The following SLC9A1 variants were observed in gnomAD, a reference collection of about 807,000 sequenced individuals.
The protein encoded by SLC9A1 is sodium/hydrogen exchanger 1.
Under a neutral mutation model 67.9 loss-of-function variants are expected in SLC9A1, and 22 were observed. The observed-to-expected ratio is 0.32, with a 90% CI of 0.23 to 0.46. The LOEUF is 0.46. Among genes scored for constraint, SLC9A1 ranks in the 20% least tolerant of loss-of-function variants. The pLI is 1.00. For synonymous variants in SLC9A1, 421 were observed against 471.8 expected (o/e 0.89, Z 1.40); for missense variants, 686 against 1,094.8 (o/e 0.63, Z 5.27).
In SLC9A1 at chr1:27,102,400, G is replaced by C; in HGVS notation, c.1805C>G (p.Ser602Cys). The C allele has an allele frequency of 1.3e-6, 2 of 1,593,930 alleles. No individual in the cohort carries two copies. The highest frequency in any genetic ancestry group is 3.3e-4 in the Middle Eastern group (2 of 5,994). Reference protein sequence around the residue: ...GGMGKIPSAVSTVSMQNIHPK... With the variant: ...GGMGKIPSAVCTVSMQNIHPK... ...CAGCACTCACTGCATGGAGACGGTGGAGACGGCAGAGGGGATCTTGCCCAT... is the reference window on the plus strand; with the variant it reads ...CAGCACTCACTGCATGGAGACGGTGCAGACGGCAGAGGGGATCTTGCCCAT... The change falls in exon 8 of 12, where the codon TCC (serine) becomes TGC (cysteine). Residue 602 changes from serine (S) to cysteine (C), a missense_variant. Physicochemically the swap from Ser to Cys is moderately radical, Grantham distance 112 (BLOSUM62 -1). Transcript: ENST00000263980.
At position 27,102,659 on chromosome 1, in the gene SLC9A1, G is replaced by T. The variant is rs2083155915; in HGVS notation, c.1646+14C>A. ...CCTGCCCCTCCCTGCCTGCCCACCA[G>T]GCCTGCCACCTACTTGTCCTTCCAG... is the stretch of plus-strand genomic sequence containing the variant. On this transcript the variant is annotated intron_variant, in intron 7 of 11. Coordinates refer to ENST00000263980, the MANE Select transcript of SLC9A1 (RefSeq NM_003047.5). The T allele has an allele frequency of 6.2e-7, 1 of 1,613,400 alleles. No individual in the cohort carries two copies.
chr1:27,122,234 G>A lies in SLC9A1; in HGVS notation c.353-7948C>T, dbSNP rs141578165. 2.0e-3 allele frequency among the ~76,000 whole-genome samples: 298 copies of A among 152,224 alleles called. 2 individuals are homozygous for A. The highest frequency in any genetic ancestry group is 7.0e-3 in the African/African-American group (290 of 41,536). On this transcript the variant is annotated intron_variant, in intron 1 of 11. Coordinates refer to ENST00000263980, the MANE Select transcript of SLC9A1 (RefSeq NM_003047.5). ...GAGTCAGGTGCCCCTCCAAACTGAG[G>A]AGCTGTGTTCGGTGCCTCAGCCAGC...
intron 1 of SLC9A1, among the ~76,000 whole-genome samples, chr1:27,142,192 C>A (rs915064730): frequency 6.6e-6 from 1 of 152,224 alleles, no homozygotes; most frequent in Non-Finnish European, 1.5e-5. Flanking sequence ...ACAGCCCCTC[C>A]TCTCGGTCCA....
At position 27,107,638 on chromosome 1, in the gene SLC9A1, T is replaced by TG. The variant is rs1557739208; in HGVS notation, c.1282+9dup. 1 of 1,125,914 alleles carries TG rather than the reference T, an allele frequency of 8.9e-7. No homozygotes were observed. The highest frequency in any genetic ancestry group is 1.2e-6 in the Non-Finnish European group (1 of 824,118). The allele number at this position is 1,125,914 out of a possible 1,614,324, so 69.7% of individuals were successfully genotyped here. ...CACAACCCCCACCCCGCCCCAGCCC[T>TG]GGCCCTCACCCAGCACGCGGGCGAT... On this transcript the variant is annotated intron_variant, in intron 4 of 11. Coordinates refer to ENST00000263980, the MANE Select transcript of SLC9A1 (RefSeq NM_003047.5).
At chr1:27,140,810 C>T (rs1395765093) in intron 1 of SLC9A1, among the ~76,000 whole-genome samples, 2 of 152,124 alleles carry the variant, frequency 1.3e-5, no homozygotes, top group Non-Finnish European at 2.9e-5. Flanking sequence ...GGTGGGGTAA[C>T]ATAACATAAA....
intron 1 of SLC9A1, among the ~76,000 whole-genome samples, chr1:27,152,510 T>C (rs141043944): frequency 1.3e-5 from 2 of 152,290 alleles, no homozygotes; most frequent in Admixed American, 6.5e-5. Context: ...TGTGGTCAAA[T>C]TGAGAGTCTT....
intron 1 of SLC9A1, among the ~76,000 whole-genome samples, chr1:27,140,850 G>C (rs1474926368): frequency 6.6e-6 from 1 of 152,184 alleles, no homozygotes; most frequent in Non-Finnish European, 1.5e-5. Flanking sequence ...CACAGGACTT[G>C]GAAGGGGAAG....
At chr1:27,120,122 T>TTTTTG (rs371754030) in intron 1 of SLC9A1, among the ~76,000 whole-genome samples, 3,580 of 151,538 alleles carry the variant, frequency 0.024, 140 homozygotes, top group African/African-American at 0.078. Flanking sequence ...TGGGAGGTTT[T>TTTTTG]TTTTGTTTTG....
At chr1:27,112,235 ACCCAGCC>A (rs1369062047) in intron 2 of SLC9A1, among the ~76,000 whole-genome samples, 2 of 152,112 alleles carry the variant, frequency 1.3e-5, no homozygotes, top group Non-Finnish European at 2.9e-5. Flanking sequence ...AGGCTATTCT[ACCCAGCC>A]CCATGAGGAG....
In SLC9A1 at chr1:27,154,604, G is replaced by A. The variant is rs1019259665; in HGVS notation, c.-270C>T. 9.9e-6 allele frequency: 4 copies of A among 405,808 alleles called. No individual in the cohort carries two copies. The highest frequency in any genetic ancestry group is 1.8e-5 in the Non-Finnish European group (4 of 225,188). 25.1% of individuals were successfully genotyped at this position (405,808 alleles called of 1,614,324 possible). A position where few individuals can be genotyped will look rare whatever the true frequency, so the allele number is the denominator to read the frequency against. ...GGTCTGGAACTCCGGGCCTGGGAAG[G>A]GGGAGGACGGATGTGGGAAACTGAG... On this transcript the variant is annotated 5_prime_UTR_variant, in exon 1 of 12. Coordinates refer to ENST00000263980, the MANE Select transcript of SLC9A1 (RefSeq NM_003047.5).
At chr1:27,144,811 C>A (rs1304336326) in intron 1 of SLC9A1, among the ~76,000 whole-genome samples, 1 of 152,166 alleles carries the variant, frequency 6.6e-6, no homozygotes, top group African/African-American at 2.4e-5. Flanking sequence ...GAGTTCTAGA[C>A]CAGACTGGCC....
intron 5 of SLC9A1, chr1:27,105,522 T>C (rs2083177449): frequency 5.0e-6 from 3 of 598,282 alleles, no homozygotes; most frequent in South Asian, 4.0e-5. Context: ...GGTCTCAAAC[T>C]CCTGACCTCA....
chr1:27,106,250 C>T lies in SLC9A1; in HGVS notation c.1283-163G>A, dbSNP rs2083184256. ...CCTCAGCCCAGAGTGCTCTGAACTC[C>T]TCAATCCAAGAGCTGGGTGGATCCT... On this transcript the variant is annotated intron_variant, in intron 4 of 11. Coordinates refer to ENST00000263980, the MANE Select transcript of SLC9A1 (RefSeq NM_003047.5). The surrounding 1 kb of genome is among the most constrained non-coding windows in gnomAD (Gnocchi z 4.3). Among the ~76,000 whole-genome samples, 3 of 152,160 alleles carry T rather than the reference C, an allele frequency of 2.0e-5. No individual in the cohort carries two copies. The South Asian group carries it at 6.2e-4, about 32-fold the overall frequency.
chr1:27,129,654 A>G (rs778564455), intron 1 of SLC9A1, among the ~76,000 whole-genome samples: 32 of 152,280 alleles, frequency 2.1e-4, no homozygotes, highest in South Asian at 1.0e-3. Flanking sequence ...AAGCCCAGAG[A>G]GGGGACGGAA....
chr1:27,099,984 A>G lies in SLC9A1; in HGVS notation c.*323T>C. 2 of 332,304 alleles carry G rather than the reference A, an allele frequency of 6.0e-6. No homozygotes were observed. Among genetic ancestry groups the G allele is most frequent in the Non-Finnish European group, 1.1e-5 (2 of 182,348 alleles). The allele number at this position is 332,304 out of a possible 1,614,324, so 20.6% of individuals were successfully genotyped here. A position where few individuals can be genotyped will look rare whatever the true frequency, so the allele number is the denominator to read the frequency against. ...GAAACTAAGATTGGTCTGAATGAGG[A>G]GGAGGATGAGGCAGAGGGAGGAGCC... On this transcript the variant is annotated 3_prime_UTR_variant, in exon 12 of 12. Coordinates refer to ENST00000263980, the MANE Select transcript of SLC9A1 (RefSeq NM_003047.5).
At position 27,125,284 on chromosome 1, in the gene SLC9A1, C is replaced by G. The variant is rs1386186942; in HGVS notation, c.353-10998G>C. The stretch of plus-strand genomic sequence containing the variant: ...TTTTTGAGAAACAGTCTTGCTCTGT[C>G]ATCTAGGCTGGAGTGCAGTGGCGCA... On this transcript the variant is annotated intron_variant, in intron 1 of 11. Transcript: ENST00000263980. Among the ~76,000 whole-genome samples the G allele has an allele frequency of 1.9e-4, 20 of 104,214 alleles. No individual in the cohort carries two copies. In the East Asian group the frequency reaches 5.4e-3, roughly 28 times the overall value. 68.4% of individuals were successfully genotyped at this position (104,214 alleles called of 152,430 possible). A position where few individuals can be genotyped will look rare whatever the true frequency, so the allele number is the denominator to read the frequency against.
At chr1:27,141,222 A>T (rs567125998) in intron 1 of SLC9A1, among the ~76,000 whole-genome samples, 82 of 152,286 alleles carry the variant, frequency 5.4e-4, no homozygotes, top group East Asian at 5.8e-4. Flanking sequence ...ATTAAAAAAA[A>T]TTTTTTTAAA....
At position 27,113,916 on chromosome 1, in the gene SLC9A1, C is replaced by T. The variant is rs376344736; in HGVS notation, c.723G>A (p.Ala241=). Residue 241 remains alanine (A), a synonymous_variant, in exon 2 of 12, where the codon GCG becomes GCA. Coordinates refer to ENST00000263980, the MANE Select transcript of SLC9A1 (RefSeq NM_003047.5). ...GSIISAVDPV[A]VLAVFEEIHI... ...GAATTTCCTCAAAGACAGCCAGAAC[C>T]GCCACGGGGTCCACGGCCGAGATGA... 29 of 1,614,082 alleles carry T rather than the reference C, an allele frequency of 1.8e-5. No homozygotes were observed. The highest frequency in any genetic ancestry group is 1.6e-4 in the Middle Eastern group (1 of 6,084).
In SLC9A1 at chr1:27,106,079, C is replaced by T; in HGVS notation, c.1291G>A (p.Gly431Ser). Residue 431 changes from glycine to serine, a missense_variant, in exon 5 of 12, where the codon GGC becomes AGC. Gly to Ser is a moderately conservative substitution (Grantham distance 56). Coordinates refer to ENST00000263980, the MANE Select transcript of SLC9A1 (RefSeq NM_003047.5). The surrounding 1 kb of genome is among the most constrained non-coding windows in gnomAD (Gnocchi z 4.3). The part of the protein sequence containing the change: ...CLIARVLGVL[G>S]LTWFINKFRI... ...AACTTGTTGATGAACCAGGTCAGGCCCAGCACCCCTGCAGGGGAAGGCAGG... is the reference window on the plus strand; with the variant it reads ...AACTTGTTGATGAACCAGGTCAGGCTCAGCACCCCTGCAGGGGAAGGCAGG... 2 of 1,611,956 alleles carry T rather than the reference C, an allele frequency of 1.2e-6. No homozygotes were observed. The highest frequency in any genetic ancestry group is 1.7e-6 in the Non-Finnish European group (2 of 1,179,068).
Sources: allele counts gnomAD v4.1 joint callset (sites outside exome capture counted in the v4.1 genomes callset), GRCh38; gene constraint gnomAD v4.1.1; non-coding constraint Gnocchi (gnomAD v3.1); transcripts MANE v1.5; gene names NCBI Gene and HGNC (gene_info 2026-07-23, HGNC 2026-07-21).